The following ZNF235 variants were observed in gnomAD, a reference collection of about 807,000 sequenced individuals.
ZNF235 encodes the protein zfp-93.
A neutral mutation model predicts 29.4 loss-of-function variants in ZNF235; 25 were observed. That is an observed-to-expected ratio of 0.85 (90% CI 0.62 to 1.19). The LOEUF is 1.19. Among genes scored for constraint, ZNF235 ranks in the 50% most tolerant of loss-of-function variants. The pLI, the probability that ZNF235 is intolerant of heterozygous loss-of-function variation, is 0.00. For missense variants in ZNF235, 788 were observed against 885.0 expected, an observed-to-expected ratio of 0.89 and a Z score of 1.39; for synonymous variants, 300 against 295.3, an observed-to-expected ratio of 1.02 and a Z score of -0.16.
chr19:44,287,087 G>C lies in ZNF235; in HGVS notation c.*131C>G. ...ACCAAGTCTAAAACACAGCATTTGA[G>C]AGACTTCTTTCCTGTCAAGATTCTT... On this transcript the variant is annotated 3_prime_UTR_variant, in exon 5 of 5. Transcript: ENST00000291182. 1.1e-6 allele frequency: 1 copy of C among 935,872 alleles called. No individual in the cohort carries two copies. The highest frequency in any genetic ancestry group is 1.5e-6 in the Non-Finnish European group (1 of 645,518). 58.0% of individuals were successfully genotyped at this position (935,872 alleles called of 1,614,324 possible). A position where few individuals can be genotyped will look rare whatever the true frequency, so the allele number is the denominator to read the frequency against.
intron 4 of ZNF235, among the ~76,000 whole-genome samples, chr19:44,296,931 G>T (rs185308773): frequency 2.0e-5 from 3 of 152,174 alleles, no homozygotes; most frequent in African/African-American, 7.2e-5. Flanking sequence ...GGGGAAACTA[G>T]AAAATATCTT....
chr19:44,298,334 T>C (rs900590110), intron 4 of ZNF235, among the ~76,000 whole-genome samples: 6 of 151,850 alleles, frequency 4.0e-5, no homozygotes, highest in Admixed American at 2.0e-4. Context: ...ATTTTACTCA[T>C]GAAATGGGAA....
intron 4 of ZNF235, among the ~76,000 whole-genome samples, chr19:44,294,901 A>C (rs73041609): frequency 6.6e-6 from 1 of 152,332 alleles, no homozygotes; most frequent in Non-Finnish European, 1.5e-5. Context: ...TCTCATGATA[A>C]AAACCTTTGA....
chr19:44,303,114 T>G (rs1413811859), intron 2 of ZNF235, among the ~76,000 whole-genome samples: 1 of 142,588 alleles, frequency 7.0e-6, no homozygotes, highest in Non-Finnish European at 1.5e-5. Flanking sequence ...ATATTTCTTA[T>G]AAATATATAC....
chr19:44,288,496 A>G lies in ZNF235; in HGVS notation c.939T>C (p.Arg313=), dbSNP rs1198147169. ...GACACCAATAGCGTTTTTTCCCAGT[A>G]CGAACACTTTGTTGAACAGGAATAC... is the stretch of plus-strand genomic sequence containing the variant. ...SSGIPVQQSV[R]TGKKRYWCHE... is the part of the protein sequence containing the mutation. The change falls in exon 5 of 5, where the codon CGT becomes CGC. Residue 313 remains arginine, a synonymous_variant. Coordinates refer to ENST00000291182, the MANE Select transcript of ZNF235 (RefSeq NM_004234.4). 1 of 1,614,154 alleles carries G rather than the reference A, an allele frequency of 6.2e-7. No homozygotes were observed. Among genetic ancestry groups the G allele is most frequent in the Non-Finnish European group, 8.5e-7 (1 of 1,180,030 alleles).
At position 44,287,048 on chromosome 19, in the gene ZNF235, G is replaced by T; in HGVS notation, c.*170C>A. ...ATCTGTGAAATATGACGTTTGTAAA[G>T]AATTCATGTCCTAACCAAGTCTAAA... is the stretch of plus-strand genomic sequence containing the variant. On this transcript the variant is annotated 3_prime_UTR_variant, in exon 5 of 5. Coordinates refer to ENST00000291182, the MANE Select transcript of ZNF235 (RefSeq NM_004234.4). The T allele has an allele frequency of 1.6e-6, 1 of 641,870 alleles. No individual in the cohort carries two copies. The highest frequency in any genetic ancestry group is 2.9e-5 in the South Asian group (1 of 35,002). 39.8% of individuals were successfully genotyped at this position (641,870 alleles called of 1,614,324 possible). A position where few individuals can be genotyped will look rare whatever the true frequency, so the allele number is the denominator to read the frequency against.
At position 44,298,897 on chromosome 19, in the gene ZNF235, T is replaced by C. The variant is rs766551503; in HGVS notation, c.149A>G (p.Gln50Arg). The C allele has an allele frequency of 2.5e-6, 4 of 1,609,644 alleles. No homozygotes were observed. The South Asian group carries it at 3.3e-5, about 13-fold the overall frequency. ...NFRNLVSVGH[Q>R]SFKPDMISQL... Reference sequence around the variant, plus strand: ...GGATATCATATCTGGTTTGAAGGACTGATGTCCTATAAAAAGATAGTATTT... The same window carrying C: ...GGATATCATATCTGGTTTGAAGGACCGATGTCCTATAAAAAGATAGTATTT... The change falls in exon 4 of 5, where the codon CAG becomes CGG. Residue 50 changes from glutamine (Q) to arginine (R), a missense_variant. By Grantham distance (43) the Gln-to-Arg change is conservative. Coordinates refer to ENST00000291182, the MANE Select transcript of ZNF235 (RefSeq NM_004234.4).
intron 4 of ZNF235, among the ~76,000 whole-genome samples, chr19:44,298,580 C>T (rs1211359496): frequency 2.0e-5 from 3 of 152,030 alleles, no homozygotes; most frequent in Non-Finnish European, 4.4e-5. Context: ...TTTGTAGAGA[C>T]AGGGTTTTGC....
At chr19:44,304,811 G>C (rs753846141) in intron 1 of ZNF235, 160 bp downstream of exon 1, 32 of 985,362 alleles carry the variant, frequency 3.2e-5, no homozygotes, top group African/African-American at 3.5e-5. Flanking sequence ...TCCCACGCAA[G>C]AGGTTCTGCC....
chr19:44,298,825 T>G lies in ZNF235; in HGVS notation c.221A>C (p.Gln74Pro). The G allele has an allele frequency of 6.2e-7, 1 of 1,613,860 alleles. No homozygotes were observed. Among genetic ancestry groups the G allele is most frequent in the Non-Finnish European group, 8.5e-7 (1 of 1,179,724 alleles). Residue 74 changes from glutamine to proline, a missense_variant, in exon 4 of 5, where the codon CAA becomes CCA. Physicochemically the swap from Gln to Pro is moderately conservative, Grantham distance 76. Transcript: ENST00000291182. ...GTACTCACCTGAATGCTTACCTCTT[T>G]GGGTTTGAAGCTCCTTCATCCAAAG... The part of the protein sequence containing the change: ...EKLWMKELQT[Q>P]RGKHSGDRNQ...
intron 4 of ZNF235, among the ~76,000 whole-genome samples, chr19:44,295,069 C>T (rs745996216): frequency 3.9e-5 from 6 of 152,094 alleles, no homozygotes; most frequent in Non-Finnish European, 7.4e-5. Context: ...TCACGTACCA[C>T]TGGAAGTCCT....
chr19:44,291,762 A>G (rs1975587316), intron 4 of ZNF235, among the ~76,000 whole-genome samples: 1 of 152,150 alleles, frequency 6.6e-6, no homozygotes, highest in Admixed American at 6.5e-5. Context: ...ATACTTACAA[A>G]TATTTCCACA....
At chr19:44,300,237 C>A (rs1217798351) in intron 2 of ZNF235, among the ~76,000 whole-genome samples, 1 of 152,098 alleles carries the variant, frequency 6.6e-6, no homozygotes, top group African/African-American at 2.4e-5. Flanking sequence ...CCTCAATTTC[C>A]ACATCTGTAT....
chr19:44,292,618 T>G (rs1460795391), intron 4 of ZNF235, among the ~76,000 whole-genome samples: 1 of 151,768 alleles, frequency 6.6e-6, no homozygotes, highest in Non-Finnish European at 1.5e-5. Context: ...ACCAAACCTA[T>G]GAATCATAGG....
rs1599894977 is a variant in ZNF235, at chr19:44,302,994, A to ATT, written c.15+395_15+396insAA. Among the ~76,000 whole-genome samples, 3 of 131,688 alleles carry ATT rather than the reference A, an allele frequency of 2.3e-5. No homozygotes were observed. In the East Asian group the frequency reaches 6.1e-4, roughly 27 times the overall value. The allele number at this position is 131,688 out of a possible 152,430, so 86.4% of individuals were successfully genotyped here. On this transcript the variant is annotated intron_variant, in intron 2 of 4. Coordinates refer to ENST00000291182, the MANE Select transcript of ZNF235 (RefSeq NM_004234.4). ...TATATGTATATATTTATATATAAATATATACATATATACGTATATATTTAT... is the reference window on the plus strand; with the variant it reads ...TATATGTATATATTTATATATAAATATTTATACATATATACGTATATATTTAT...
At chr19:44,291,523 C>A (rs758427118) in intron 4 of ZNF235, among the ~76,000 whole-genome samples, 3 of 152,028 alleles carry the variant, frequency 2.0e-5, no homozygotes, top group Non-Finnish European at 4.4e-5. Context: ...AACTCTAGCA[C>A]TCATGATAAA....
At position 44,298,818 on chromosome 19, in the gene ZNF235, A is replaced by C. The variant is rs1294962760; in HGVS notation, c.228T>G (p.Gly76=). The C allele has an allele frequency of 1.2e-6, 2 of 1,612,914 alleles. No homozygotes were observed. The highest frequency in any genetic ancestry group is 1.7e-6 in the Non-Finnish European group (2 of 1,179,042). ...CTGCACAGTACTCACCTGAATGCTTACCTCTTTGGGTTTGAAGCTCCTTCA... is the reference window on the plus strand; with the variant it reads ...CTGCACAGTACTCACCTGAATGCTTCCCTCTTTGGGTTTGAAGCTCCTTCA... ...LWMKELQTQR[G]KHSGDRNQNE... is the part of the protein sequence containing the mutation. The change falls in exon 4 of 5, where the codon GGT becomes GGG. Residue 76 remains glycine, a synonymous_variant. Coordinates refer to ENST00000291182, the MANE Select transcript of ZNF235 (RefSeq NM_004234.4).
At chr19:44,304,648 T>C in intron 1 of ZNF235, 4 of 882,742 alleles carry the variant, frequency 4.5e-6, no homozygotes, top group Non-Finnish European at 5.4e-6. Context: ...GGGAACGCAC[T>C]AACCCTTTAC....
chr19:44,294,956 T>G (rs2123098242), intron 4 of ZNF235, among the ~76,000 whole-genome samples: 2 of 152,236 alleles, frequency 1.3e-5, no homozygotes, highest in South Asian at 4.1e-4. Flanking sequence ...ATAAAAGCCA[T>G]ATATGACAAC....
Sources: allele counts gnomAD v4.1 joint callset (sites outside exome capture counted in the v4.1 genomes callset), GRCh38; gene constraint gnomAD v4.1.1; transcripts MANE v1.5; gene names NCBI Gene and HGNC (gene_info 2026-07-23, HGNC 2026-07-21).